Variants in DDX10 observed in about 807,000 individuals in gnomAD.
The protein encoded by DDX10 is probable ATP-dependent RNA helicase DDX10.
In DDX10, 74 loss-of-function variants were observed where a neutral mutation model predicts 104.3. The ratio of observed to expected loss-of-function variants is 0.71; its 90% CI spans 0.59 to 0.86. The LOEUF is 0.86. Among genes scored for constraint, DDX10 ranks in the 40% least tolerant of loss-of-function variants. DDX10 has a pLI of 0.00. For missense variants in DDX10, 952 were observed against 1,040.0 expected, an observed-to-expected ratio of 0.92 and a Z score of 1.16; for synonymous variants, 351 against 353.4, an observed-to-expected ratio of 0.99 and a Z score of 0.08.
At chr11:108,930,286 G>C (rs1863960186) in intron 17 of DDX10, among the ~76,000 whole-genome samples, 1 of 152,124 alleles carries the variant, frequency 6.6e-6, no homozygotes, top group Admixed American at 6.5e-5. Flanking sequence ...CTTTCACTTA[G>C]CAATATATTT....
At chr11:108,732,196 A>G (rs981485453) in intron 13 of DDX10, among the ~76,000 whole-genome samples, 1 of 152,212 alleles carries the variant, frequency 6.6e-6, no homozygotes, top group Non-Finnish European at 1.5e-5. Context: ...ATTTTACCAT[A>G]TACTGAACAC....
At chr11:108,715,994 C>A in intron 11 of DDX10, 28 bp downstream of exon 11, 1 of 1,169,966 alleles carries the variant, frequency 8.5e-7, no homozygotes, top group Middle Eastern at 2.4e-4. Flanking sequence ...TGGATACTTT[C>A]ATTGACTGGA....
chr11:108,923,160 C>A (rs1863857040), intron 17 of DDX10, among the ~76,000 whole-genome samples: 1 of 152,158 alleles, frequency 6.6e-6, no homozygotes. Context: ...GACACAACAG[C>A]TTAGTAGGAA....
At chr11:108,893,624 G>A (rs372581024) in intron 16 of DDX10, among the ~76,000 whole-genome samples, 3 of 151,204 alleles carry the variant, frequency 2.0e-5, no homozygotes, top group East Asian at 1.9e-4. Context: ...AAAACTGCAC[G>A]AAATAAACTG....
chr11:108,770,067 T>G (rs573465428), intron 13 of DDX10, among the ~76,000 whole-genome samples: 1 of 152,362 alleles, frequency 6.6e-6, no homozygotes, highest in Admixed American at 6.5e-5. Flanking sequence ...CATGTTTCTT[T>G]GAAAGGTGTT....
At chr11:108,939,469 A>G (rs1379394085) in intron 17 of DDX10, among the ~76,000 whole-genome samples, 2 of 152,230 alleles carry the variant, frequency 1.3e-5, no homozygotes, top group Non-Finnish European at 2.9e-5. Context: ...CCCTGGATTC[A>G]TGGTTGCTGC....
At chr11:108,750,333 T>TA (rs1205965849) in intron 13 of DDX10, among the ~76,000 whole-genome samples, 1 of 152,224 alleles carries the variant, frequency 6.6e-6, no homozygotes, top group Non-Finnish European at 1.5e-5. Flanking sequence ...GAAAGACAGT[T>TA]ATATAGTTGA....
intron 6 of DDX10, among the ~76,000 whole-genome samples, chr11:108,679,961 G>A (rs945646940): frequency 4.6e-5 from 7 of 152,180 alleles, no homozygotes; most frequent in African/African-American, 1.4e-4. Flanking sequence ...AGCAGTGGGA[G>A]GGAGGTGGAT....
intron 16 of DDX10, among the ~76,000 whole-genome samples, chr11:108,885,357 CTTTT>C (rs5794610): frequency 1.9e-5 from 2 of 103,148 alleles, no homozygotes; most frequent in East Asian, 2.8e-4. Context: ...TTCATTGTCA[CTTTT>C]TTTTTTTTTT....
chr11:108,882,462 T>C (rs1591109006), intron 16 of DDX10, among the ~76,000 whole-genome samples: 1 of 152,212 alleles, frequency 6.6e-6, no homozygotes, highest in African/African-American at 2.4e-5. Context: ...AATGTTGGGC[T>C]GAAATGAGCT....
intron 13 of DDX10, among the ~76,000 whole-genome samples, chr11:108,726,583 G>A (rs1434579166): frequency 6.6e-6 from 1 of 152,038 alleles, no homozygotes; most frequent in African/African-American, 2.4e-5. Flanking sequence ...CTTTTTGGGA[G>A]TTTCTTGGGA....
rs764842234 is a variant in DDX10, at chr11:108,841,299, T to A, written c.2086-16T>A. On this transcript the variant is annotated splice_polypyrimidine_tract_variant and intron_variant, in intron 14 of 17. Transcript: ENST00000322536. ...TCCCTACTTCCTGTTGACACTGACCTTTTTTTTACCTGTAGTTGGTTCAGC... is the reference window on the plus strand; with the variant it reads ...TCCCTACTTCCTGTTGACACTGACCATTTTTTTACCTGTAGTTGGTTCAGC... The A allele has an allele frequency of 1.9e-6, 3 of 1,579,482 alleles. No individual in the cohort carries two copies. In the South Asian group the frequency reaches 3.5e-5, roughly 18 times the overall value.
rs540551816 is a variant in DDX10, at chr11:108,739,143, G to T, written c.1965+15681G>T. 7.2e-5 allele frequency among the ~76,000 whole-genome samples: 11 copies of T among 152,266 alleles called. No individual in the cohort carries two copies. The South Asian group carries it at 2.3e-3, about 32-fold the overall frequency. On this transcript the variant is annotated intron_variant, in intron 13 of 17. Coordinates refer to ENST00000322536, the MANE Select transcript of DDX10 (RefSeq NM_004398.4). ...ATCCATAAAATCGTGTGGACAAGTTGCTGACACAAGATGTACAGAAACATG... is the reference window on the plus strand; with the variant it reads ...ATCCATAAAATCGTGTGGACAAGTTTCTGACACAAGATGTACAGAAACATG...
intron 16 of DDX10, among the ~76,000 whole-genome samples, chr11:108,894,817 CG>C (rs1863419875): frequency 6.6e-6 from 1 of 151,868 alleles, no homozygotes; most frequent in South Asian, 2.1e-4. Flanking sequence ...TGAGGGCACT[CG>C]GGCATTTTAT....
At chr11:108,782,536 T>C (rs1861720555) in intron 13 of DDX10, among the ~76,000 whole-genome samples, 1 of 152,198 alleles carries the variant, frequency 6.6e-6, no homozygotes, top group Non-Finnish European at 1.5e-5. Flanking sequence ...CATATCCTTA[T>C]AGCTGCTGTT....
At chr11:108,719,761 C>T in intron 11 of DDX10, 36 bp from the exon 12 acceptor site, 4 of 1,309,480 alleles carry the variant, frequency 3.1e-6, no homozygotes, top group East Asian at 2.3e-5. Flanking sequence ...TTTTTAATTT[C>T]TATTATATTG....
chr11:108,677,604 A>G (rs892801986), intron 4 of DDX10, among the ~76,000 whole-genome samples: 2 of 151,480 alleles, frequency 1.3e-5, no homozygotes, highest in Non-Finnish European at 2.9e-5. Flanking sequence ...GGATTGCTAC[A>G]TCAGCAGCGT....
chr11:108,692,769 G>C lies in DDX10; in HGVS notation c.1138+731G>C, dbSNP rs1179692257. ...TCAGATGCCATATTTATTAGTATAG[G>C]CTGGAGTACAGTAGCATGATCATAG... On this transcript the variant is annotated intron_variant, in intron 8 of 17. Transcript: ENST00000322536. Among the ~76,000 whole-genome samples, 4 of 152,054 alleles carry C rather than the reference G, an allele frequency of 2.6e-5. No individual in the cohort carries two copies. The East Asian group carries it at 7.7e-4, about 29-fold the overall frequency.
intron 13 of DDX10, among the ~76,000 whole-genome samples, chr11:108,817,323 A>T (rs1233642486): frequency 6.6e-6 from 1 of 151,956 alleles, no homozygotes; most frequent in Non-Finnish European, 1.5e-5. Flanking sequence ...GTCATCCTGA[A>T]TTTTTTGTTT....
Sources: gnomAD v4.1 joint callset for allele counts (sites outside exome capture counted in the v4.1 genomes callset) on GRCh38, gnomAD v4.1.1 for gene constraint, MANE v1.5 for transcripts, NCBI Gene and HGNC (gene_info 2026-07-23, HGNC 2026-07-21) for gene names.